The following CTNND2 variants were observed in gnomAD, a reference collection of about 807,000 sequenced individuals.
CTNND2 encodes the protein catenin delta 2, also known as catenin delta-2.
Under a neutral mutation model 144.4 loss-of-function variants are expected in CTNND2, and 22 were observed. That is an observed-to-expected ratio of 0.15 (90% CI 0.11 to 0.22). The LOEUF (loss-of-function observed/expected upper bound fraction) is 0.22. Ranked by LOEUF, CTNND2 falls within the 10% of genes least tolerant of loss-of-function variation. The pLI is 1.00. For synonymous variants in CTNND2, 751 were observed against 695.6 expected (o/e 1.08, Z -1.25); for missense variants, 1,353 against 1,618.8 (o/e 0.84, Z 2.82).
At chr5:11,251,244 C>T (rs1743618465) in intron 9 of CTNND2, among the ~76,000 whole-genome samples, 1 of 152,132 alleles carries the variant, frequency 6.6e-6, no homozygotes, top group Non-Finnish European at 1.5e-5. Context: ...GCCCCCCAGG[C>T]CAAAATAAAT....
chr5:11,662,447 C>T lies in CTNND2; in HGVS notation c.174+69689G>A, dbSNP rs566340546. Among the ~76,000 whole-genome samples, 7 of 151,856 alleles carry T rather than the reference C, an allele frequency of 4.6e-5. No homozygotes were observed. The East Asian group carries it at 9.7e-4, about 21-fold the overall frequency. On this transcript the variant is annotated intron_variant, in intron 2 of 21. Coordinates refer to ENST00000304623, the MANE Select transcript of CTNND2 (RefSeq NM_001332.4). ...TCCAATGTTTGAGGGCAGGAAGTAT[C>T]CAGCACTGGAGAAAGATGTAAGCTG...
rs72732958 is a variant in CTNND2, at chr5:11,505,050, C to T, written c.287+59894G>A. ...CTAATCTCCTGCCTGGAGGCTGCTG[C>T]GGGCATGAGTCATAGCATGAACTGG... On this transcript the variant is annotated intron_variant, in intron 3 of 21. Transcript: ENST00000304623. 4.0e-3 allele frequency among the ~76,000 whole-genome samples: 606 copies of T among 152,110 alleles called. 7 individuals carry two copies. The highest frequency in any genetic ancestry group is 4.9e-3 in the Non-Finnish European group (334 of 67,998).
intron 9 of CTNND2, among the ~76,000 whole-genome samples, chr5:11,337,018 A>G (rs1022739648): frequency 6.6e-6 from 1 of 152,150 alleles, no homozygotes; most frequent in Non-Finnish European, 1.5e-5. Context: ...GTGGGAACCA[A>G]CTTTGGGTAG....
intron 20 of CTNND2, among the ~76,000 whole-genome samples, chr5:10,986,227 T>G (rs1737936535): frequency 6.6e-6 from 1 of 152,212 alleles, no homozygotes. Flanking sequence ...ACATAGTAAA[T>G]TTTATGTTTT....
At chr5:11,568,169 TC>T (rs1777272199) in intron 2 of CTNND2, among the ~76,000 whole-genome samples, 1 of 152,114 alleles carries the variant, frequency 6.6e-6, no homozygotes, top group Non-Finnish European at 1.5e-5. Context: ...TTTCCTCACA[TC>T]CTTTCAGATG....
At chr5:11,318,801 G>A (rs1751752675) in intron 9 of CTNND2, among the ~76,000 whole-genome samples, 1 of 151,934 alleles carries the variant, frequency 6.6e-6, no homozygotes, top group African/African-American at 2.4e-5. Context: ...AAAACATGCT[G>A]TAAAAGCTCT....
chr5:11,128,761 TA>T (rs1258913873), intron 12 of CTNND2, among the ~76,000 whole-genome samples: 1 of 37,662 alleles, frequency 2.7e-5, no homozygotes, highest in African/African-American at 1.3e-4. Flanking sequence ...TATATATAAA[TA>T]TATATATTAT....
intron 8 of CTNND2, among the ~76,000 whole-genome samples, chr5:11,353,935 G>A (rs1341544506): frequency 6.6e-6 from 1 of 152,166 alleles, no homozygotes. Context: ...CCATAAAAAT[G>A]GAAATAGGAT....
chr5:11,463,684 TAA>T (rs5865943), intron 3 of CTNND2, among the ~76,000 whole-genome samples: 1 of 145,194 alleles, frequency 6.9e-6, no homozygotes. Context: ...GGTGCTTCAT[TAA>T]AAAAAAAAAA....
At chr5:11,227,345 T>C (rs1432606761) in intron 10 of CTNND2, among the ~76,000 whole-genome samples, 1 of 152,190 alleles carries the variant, frequency 6.6e-6, no homozygotes, top group Non-Finnish European at 1.5e-5. Flanking sequence ...AGAAACTTGC[T>C]CAAGGTCATG....
At chr5:11,379,773 C>T (rs552773173) in intron 7 of CTNND2, among the ~76,000 whole-genome samples, 3 of 152,094 alleles carry the variant, frequency 2.0e-5, no homozygotes, top group Non-Finnish European at 2.9e-5. Context: ...TAATTCCAGC[C>T]TCCACACACT....
At chr5:11,322,099 C>T (rs528163970) in intron 9 of CTNND2, among the ~76,000 whole-genome samples, 6 of 152,298 alleles carry the variant, frequency 3.9e-5, no homozygotes, top group South Asian at 4.1e-4. Context: ...CTTCTCTATA[C>T]GCATCATACT....
chr5:11,697,549 A>ATT, intron 2 of CTNND2, among the ~76,000 whole-genome samples: 1 of 152,200 alleles, frequency 6.6e-6, no homozygotes, highest in Non-Finnish European at 1.5e-5. Context: ...ATGAGCCAGG[A>ATT]CTGTCCCAAG....
intron 1 of CTNND2, among the ~76,000 whole-genome samples, chr5:11,742,632 G>C (rs542644485): frequency 1.1e-4 from 16 of 152,132 alleles, no homozygotes; most frequent in Admixed American, 5.9e-4. Flanking sequence ...ATACCCAAGT[G>C]AATAATGAAA....
intron 1 of CTNND2, among the ~76,000 whole-genome samples, chr5:11,842,155 G>A (rs1794504732): frequency 6.6e-6 from 1 of 151,982 alleles, no homozygotes; most frequent in Non-Finnish European, 1.5e-5. Flanking sequence ...TTTCAATGCA[G>A]AGAACCCAGT....
chr5:11,328,064 A>T (rs1752713897), intron 9 of CTNND2, among the ~76,000 whole-genome samples: 1 of 152,184 alleles, frequency 6.6e-6, no homozygotes, highest in Non-Finnish European at 1.5e-5. Context: ...TTCTGTAGAA[A>T]CCATTTCATT....
At chr5:11,419,057 T>C (rs1169356656) in intron 3 of CTNND2, among the ~76,000 whole-genome samples, 1 of 130,630 alleles carries the variant, frequency 7.7e-6, no homozygotes, top group Admixed American at 7.2e-5. Context: ...GACATCTATA[T>C]AGATATATAT....
intron 17 of CTNND2, 104 bp from the exon 18 acceptor site, chr5:11,018,162 T>C (rs1741828167): frequency 1.3e-6 from 1 of 762,868 alleles, no homozygotes; most frequent in African/African-American, 1.7e-5. Context: ...ATTATATCTA[T>C]TATGGTGATC....
intron 8 of CTNND2, among the ~76,000 whole-genome samples, chr5:11,364,347 CGTCT>C (rs1756757621): frequency 1.3e-5 from 2 of 152,190 alleles, no homozygotes; most frequent in Non-Finnish European, 2.9e-5. Context: ...ATCAAGCATA[CGTCT>C]TTCACGTCCT....
Sources: gnomAD v4.1 joint callset for allele counts (sites outside exome capture counted in the v4.1 genomes callset) on GRCh38, gnomAD v4.1.1 for gene constraint, MANE v1.5 for transcripts, NCBI Gene and HGNC (gene_info 2026-07-23, HGNC 2026-07-21) for gene names.